The following PUM1 variants were observed in gnomAD, a reference collection of about 807,000 sequenced individuals.
The protein encoded by PUM1 is pumilio RNA binding family member 1.
In PUM1, 13 loss-of-function variants were observed where a neutral mutation model predicts 131.8. The observed-to-expected ratio is 0.10, with a 90% CI of 0.06 to 0.16. The LOEUF (loss-of-function observed/expected upper bound fraction) is 0.16, where lower values mean the gene tolerates loss of function less well. Ranked by LOEUF, PUM1 falls within the 10% of genes least tolerant of loss-of-function variation. The probability of loss-of-function intolerance (pLI) is 1.00; values close to 1 mark genes in which losing one functional copy is unlikely to be tolerated. For missense variants in PUM1, 961 were observed against 1,512.4 expected, an observed-to-expected ratio of 0.64 and a Z score of 6.05; for synonymous variants, 509 against 556.5, an observed-to-expected ratio of 0.91 and a Z score of 1.20.
intron 2 of PUM1, among the ~76,000 whole-genome samples, chr1:31,058,431 TG>T (rs1401191243): frequency 6.9e-6 from 1 of 145,688 alleles, no homozygotes; most frequent in East Asian, 2.0e-4. Flanking sequence ...GAGGCCGAGA[TG>T]GGTGGATCAC....
At chr1:31,063,249 T>A (rs893076917) in intron 1 of PUM1, among the ~76,000 whole-genome samples, 3 of 152,292 alleles carry the variant, frequency 2.0e-5, no homozygotes, top group East Asian at 3.8e-4. Context: ...TTTCCTCATC[T>A]AGAAAATGAA....
chr1:31,050,024 T>A (rs1184161341), intron 2 of PUM1, among the ~76,000 whole-genome samples: 1 of 148,532 alleles, frequency 6.7e-6, no homozygotes, highest in African/African-American at 2.5e-5. Context: ...AGAGACGGGG[T>A]TTCACCATGT....
chr1:30,953,974 G>C lies in PUM1; in HGVS notation c.2331C>G (p.Leu777=). ...GSSSSLNLGG[L]TNGSGRYISA... ...AGATGTATCTTCCACTGCCATTCGT[G>C]AGTCCTCCTGTTGGTTACAGAACAG... The change falls in exon 15 of 22, where the codon CTC becomes CTG. Residue 777 remains leucine (L), a synonymous_variant. Coordinates refer to ENST00000426105, the MANE Select transcript of PUM1 (RefSeq NM_001020658.2). 1 of 1,613,832 alleles carries C rather than the reference G, an allele frequency of 6.2e-7. No individual in the cohort carries two copies. The highest frequency in any genetic ancestry group is 8.5e-7 in the Non-Finnish European group (1 of 1,179,774).
intron 9 of PUM1, among the ~76,000 whole-genome samples, chr1:30,975,800 C>T (rs994255360): frequency 2.0e-5 from 3 of 151,926 alleles, no homozygotes; most frequent in Admixed American, 6.6e-5. Flanking sequence ...TGTTGAGAAC[C>T]TTAAACAAAA....
At position 31,007,052 on chromosome 1, in the gene PUM1, A is replaced by G. The variant is rs1366763436; in HGVS notation, c.483T>C (p.Asp161=). 18 of 1,613,956 alleles carry G rather than the reference A, an allele frequency of 1.1e-5. No individual in the cohort carries two copies. The highest frequency in any genetic ancestry group is 1.3e-5 in the Non-Finnish European group (15 of 1,179,944). ...KFWETDESSK[D]GPKGIFLGDQ... ...CACCCAGGAATATTCCTTTTGGTCC[A>G]TCTTTGCTGGATTCATCTGTTTCCC... Residue 161 remains aspartate, a synonymous_variant, in exon 4 of 22, where the codon GAT becomes GAC. Transcript: ENST00000426105.
At chr1:30,945,161 C>A (rs1461996646) in intron 18 of PUM1, among the ~76,000 whole-genome samples, 185 bp downstream of exon 18, 1 of 151,934 alleles carries the variant, frequency 6.6e-6, no homozygotes, top group East Asian at 1.9e-4. Flanking sequence ...TTGAACCTGG[C>A]AGTTCAAGGC....
chr1:30,965,854 GTGGGA>G (rs1557558469), intron 13 of PUM1, 123 bp downstream of exon 13: 6 of 951,366 alleles, frequency 6.3e-6, no homozygotes, highest in Non-Finnish European at 7.7e-6. Flanking sequence ...CACAGATTAT[GTGGGA>G]TGGCTGGATT....
chr1:30,985,583 C>T (rs1641521785), intron 7 of PUM1, among the ~76,000 whole-genome samples: 1 of 139,786 alleles, frequency 7.2e-6, no homozygotes, highest in Admixed American at 7.6e-5. Flanking sequence ...ACCCAGGAGG[C>T]GGAAGTTGAG....
intron 15 of PUM1, among the ~76,000 whole-genome samples, chr1:30,953,297 T>C (rs1406482418): frequency 6.6e-6 from 1 of 152,208 alleles, no homozygotes; most frequent in African/African-American, 2.4e-5. Flanking sequence ...CCAGATTCGC[T>C]TTCTGTGAAG....
At chr1:30,990,624 G>A (rs900083810) in intron 7 of PUM1, among the ~76,000 whole-genome samples, 7 of 151,200 alleles carry the variant, frequency 4.6e-5, no homozygotes, top group Admixed American at 6.6e-5. Flanking sequence ...AAAGATATAG[G>A]AGGCTTACGC....
rs1639233312 is a variant in PUM1, at chr1:30,936,893, T to C, written c.3243-58A>G. The C allele has an allele frequency of 3.1e-5, 45 of 1,435,954 alleles. No homozygotes were observed. In the South Asian group the frequency reaches 5.7e-4, roughly 18 times the overall value. 89.0% of individuals were successfully genotyped at this position (1,435,954 alleles called of 1,614,324 possible). On this transcript the variant is annotated intron_variant, in intron 20 of 21. Coordinates refer to ENST00000426105, the MANE Select transcript of PUM1 (RefSeq NM_001020658.2). ...CAAGAGAGGCCCCTGTTAGTGAGGCTGTGCTTGCCTAGCTTCTGCCCTGAC... is the reference window on the plus strand; with the variant it reads ...CAAGAGAGGCCCCTGTTAGTGAGGCCGTGCTTGCCTAGCTTCTGCCCTGAC...
chr1:31,033,926 C>T (rs1305832843), intron 2 of PUM1, among the ~76,000 whole-genome samples: 2 of 152,114 alleles, frequency 1.3e-5, no homozygotes, highest in Non-Finnish European at 2.9e-5. Context: ...AGGTATTAGC[C>T]ACCGCACCCA....
intron 3 of PUM1, among the ~76,000 whole-genome samples, chr1:31,016,262 C>T (rs7545950): frequency 6.6e-6 from 1 of 152,152 alleles, no homozygotes; most frequent in Non-Finnish European, 1.5e-5. Context: ...ACATTTCTGG[C>T]CCCAAGTATT....
chr1:30,971,353 A>T (rs1539361), intron 10 of PUM1, among the ~76,000 whole-genome samples: 104,914 of 152,132 alleles, frequency 0.69, 37,606 homozygotes, highest in East Asian at 0.87. Context: ...TGGCACCCAA[A>T]AAAAAGGAAC....
At chr1:30,945,174 T>C (rs767422023) in intron 18 of PUM1, among the ~76,000 whole-genome samples, 172 bp downstream of exon 18, 4 of 152,136 alleles carry the variant, frequency 2.6e-5, no homozygotes, top group Non-Finnish European at 5.9e-5. Flanking sequence ...TTCAAGGCTG[T>C]AGTGAGCCGT....
chr1:31,060,680 G>A lies in PUM1; in HGVS notation c.-11-1103C>T, dbSNP rs188352244. On this transcript the variant is annotated intron_variant, in intron 1 of 21. Coordinates refer to ENST00000426105, the MANE Select transcript of PUM1 (RefSeq NM_001020658.2). ...GCAGGTGTATCACTTGAGGTCAGGA[G>A]TTCGAGACCAGCCTGGCCAACATTA... Among the ~76,000 whole-genome samples the A allele has an allele frequency of 1.2e-4, 19 of 152,062 alleles. No homozygotes were observed. The East Asian group carries it at 3.7e-3, about 29-fold the overall frequency.
chr1:31,009,782 A>AAAAAAAC (rs375044466), intron 3 of PUM1, among the ~76,000 whole-genome samples: 33 of 125,344 alleles, frequency 2.6e-4, no homozygotes, highest in Admixed American at 5.6e-4. Flanking sequence ...AAAAAAAAAA[A>AAAAAAAC]AAAAACAAAA....
intron 2 of PUM1, among the ~76,000 whole-genome samples, chr1:31,046,500 TTGTTTTTTTG>T (rs1476393760): frequency 7.7e-6 from 1 of 129,086 alleles, no homozygotes; most frequent in African/African-American, 3.4e-5. Context: ...TTTTTTTTTT[TTGTTTTTTTG>T]GTTTTTTTTT....
intron 5 of PUM1, among the ~76,000 whole-genome samples, chr1:30,995,438 A>C (rs944698370): frequency 6.6e-6 from 1 of 152,210 alleles, no homozygotes; most frequent in Non-Finnish European, 1.5e-5. Context: ...TACAGAGTTC[A>C]GAACAGTCTT....
Sources: gnomAD v4.1 joint callset for allele counts (sites outside exome capture counted in the v4.1 genomes callset) on GRCh38, gnomAD v4.1.1 for gene constraint, MANE v1.5 for transcripts, NCBI Gene and HGNC (gene_info 2026-07-23, HGNC 2026-07-21) for gene names.